Variants in LYPD6 observed in about 807,000 individuals in gnomAD.
The protein encoded by LYPD6 is LY6/PLAUR domain containing 6, also known as ly6/PLAUR domain-containing protein 6.
LYPD6 carries 15 observed loss-of-function variants against 22.7 expected under a neutral mutation model. That is an observed-to-expected ratio of 0.66 (90% CI 0.44 to 1.02). LYPD6 has a LOEUF of 1.02. LYPD6 is among the 50% of genes least tolerant of loss of function. The probability of loss-of-function intolerance (pLI) is 0.00; values close to 1 mark genes in which losing one functional copy is unlikely to be tolerated. For synonymous variants in LYPD6, 72 were observed against 77.5 expected (o/e 0.93, Z 0.37); for missense variants, 189 against 208.4 (o/e 0.91, Z 0.57).
At chr2:149,347,900 G>T (rs1681286474) in intron 1 of LYPD6, among the ~76,000 whole-genome samples, 1 of 151,466 alleles carries the variant, frequency 6.6e-6, no homozygotes, top group Admixed American at 6.6e-5. Flanking sequence ...CTTTTTTTCT[G>T]GGCCCTACCC....
rs561647951 is a variant in LYPD6 at position 149,454,945 on chromosome 2, G to A, written c.217+5798G>A. Among the ~76,000 whole-genome samples, 74 of 152,200 alleles carry A rather than the reference G, an allele frequency of 4.9e-4. No individual in the cohort carries two copies. The South Asian group carries it at 6.2e-3, about 13-fold the overall frequency. ...TCCCCTTGAGACCGATGAAGGTGCT[G>A]CCCTACTTCTCTGCCCCTTAGCAGA... On this transcript the variant is annotated intron_variant, in intron 3 of 4. Coordinates refer to ENST00000334166, the MANE Select transcript of LYPD6 (RefSeq NM_194317.5).
chr2:149,370,843 C>T (rs1029189083), intron 1 of LYPD6, among the ~76,000 whole-genome samples: 1 of 152,038 alleles, frequency 6.6e-6, no homozygotes, highest in Non-Finnish European at 1.5e-5. Context: ...ACCTGTAGTC[C>T]CTGCTACTCA....
At chr2:149,360,037 A>G (rs1019609003) in intron 1 of LYPD6, among the ~76,000 whole-genome samples, 3 of 152,220 alleles carry the variant, frequency 2.0e-5, no homozygotes, top group Non-Finnish European at 2.9e-5. Context: ...TTTTCTGGGA[A>G]AGAGGTAGGC....
intron 1 of LYPD6, among the ~76,000 whole-genome samples, chr2:149,365,722 C>T (rs149210404): frequency 5.5e-4 from 84 of 151,902 alleles, no homozygotes; most frequent in African/African-American, 2.0e-3. Flanking sequence ...ACAGCTACTA[C>T]ACTTGATCTT....
chr2:149,367,051 C>T (rs1681686732), intron 1 of LYPD6, among the ~76,000 whole-genome samples: 1 of 151,616 alleles, frequency 6.6e-6, no homozygotes, highest in Non-Finnish European at 1.5e-5. Context: ...TTCTTTTTTA[C>T]AGGTGCTAGA....
intron 3 of LYPD6, among the ~76,000 whole-genome samples, chr2:149,456,694 G>A (rs958764436): frequency 6.6e-6 from 1 of 152,188 alleles, no homozygotes; most frequent in Non-Finnish European, 1.5e-5. Flanking sequence ...AAAAAGAGAG[G>A]CCTCAGAAGA....
intron 1 of LYPD6, among the ~76,000 whole-genome samples, chr2:149,331,021 C>T (rs1053084249): frequency 6.6e-6 from 1 of 152,170 alleles, no homozygotes; most frequent in East Asian, 1.9e-4. Context: ...AAGTTCAAGG[C>T]TGGAGGAACC....
intron 1 of LYPD6, among the ~76,000 whole-genome samples, chr2:149,358,462 T>C (rs868126546): frequency 9.9e-5 from 15 of 152,156 alleles, no homozygotes; most frequent in African/African-American, 2.9e-4. Context: ...AAGCCACTTA[T>C]GCTAACTGGG....
In LYPD6 at chr2:149,370,892, C is replaced by T. The variant is rs559062951; in HGVS notation, c.-72+40170C>T. On this transcript the variant is annotated intron_variant, in intron 1 of 4. Coordinates refer to ENST00000334166, the MANE Select transcript of LYPD6 (RefSeq NM_194317.5). ...GGATAATTGCTTGAGCCTAGGACTTCGAAGTTACGTAAGTGAGCTATGATT... is the reference window on the plus strand; with the variant it reads ...GGATAATTGCTTGAGCCTAGGACTTTGAAGTTACGTAAGTGAGCTATGATT... Among the ~76,000 whole-genome samples the T allele has an allele frequency of 1.8e-4, 28 of 152,202 alleles. No individual in the cohort carries two copies. The South Asian group carries it at 3.9e-3, about 21-fold the overall frequency.
intron 1 of LYPD6, among the ~76,000 whole-genome samples, chr2:149,388,270 G>A (rs1181820568): frequency 4.0e-5 from 6 of 151,008 alleles, no homozygotes; most frequent in Non-Finnish European, 8.8e-5. Context: ...CTTTGATACT[G>A]TTGGTGTGCC....
chr2:149,382,717 A>G (rs1414016544), intron 1 of LYPD6, among the ~76,000 whole-genome samples: 1 of 151,978 alleles, frequency 6.6e-6, no homozygotes, highest in Non-Finnish European at 1.5e-5. Flanking sequence ...CTGGTCAAAC[A>G]AAAACTATAA....
chr2:149,449,825 A>G (rs1405644135), intron 3 of LYPD6, among the ~76,000 whole-genome samples: 2 of 152,186 alleles, frequency 1.3e-5, no homozygotes, highest in Non-Finnish European at 2.9e-5. Context: ...GGGGGTAGAG[A>G]TAATGAGCAC....
intron 1 of LYPD6, among the ~76,000 whole-genome samples, chr2:149,378,655 C>T (rs1360948457): frequency 6.6e-6 from 1 of 152,186 alleles, no homozygotes; most frequent in Non-Finnish European, 1.5e-5. Flanking sequence ...GGGAGTCTTG[C>T]ATTCAGCAAT....
the LYPD6 span, among the ~76,000 whole-genome samples, chr2:149,480,750 C>A: frequency 6.6e-6 from 1 of 152,132 alleles, no homozygotes; most frequent in Non-Finnish European, 1.5e-5. Context: ...CCCCAGCAGC[C>A]CTCTGATAGT....
At chr2:149,385,147 C>A (rs1289676518) in intron 1 of LYPD6, among the ~76,000 whole-genome samples, 1 of 152,018 alleles carries the variant, frequency 6.6e-6, no homozygotes, top group African/African-American at 2.4e-5. Context: ...TCTGATTCCT[C>A]CTTTGCCCTG....
chr2:149,461,730 G>A (rs551994199), intron 3 of LYPD6, among the ~76,000 whole-genome samples: 1 of 152,030 alleles, frequency 6.6e-6, no homozygotes, highest in Non-Finnish European at 1.5e-5. Context: ...TTAGTCCATG[G>A]ATACAAGGCT....
chr2:149,385,950 A>G (rs1032785137), intron 1 of LYPD6, among the ~76,000 whole-genome samples: 1 of 152,166 alleles, frequency 6.6e-6, no homozygotes, highest in Non-Finnish European at 1.5e-5. Context: ...GAACACTGCT[A>G]CTGTTCCCCA....
chr2:149,340,303 A>T (rs574884530), intron 1 of LYPD6, among the ~76,000 whole-genome samples: 1 of 152,324 alleles, frequency 6.6e-6, no homozygotes, highest in African/African-American at 2.4e-5. Flanking sequence ...CAAGATATCT[A>T]GAAATACTAG....
intron 1 of LYPD6, among the ~76,000 whole-genome samples, chr2:149,407,637 A>C (rs1390930665): frequency 2.0e-5 from 3 of 152,070 alleles, no homozygotes; most frequent in Admixed American, 1.3e-4. Context: ...CATTCGTCTA[A>C]ATTTTTTTCA....
Sources: gnomAD v4.1 joint callset for allele counts (sites outside exome capture counted in the v4.1 genomes callset) on GRCh38, gnomAD v4.1.1 for gene constraint, MANE v1.5 for transcripts, NCBI Gene and HGNC (gene_info 2026-07-23, HGNC 2026-07-21) for gene names.